TMPRSS7: variants seen among roughly 807,000 people sequenced by gnomAD.
The protein encoded by TMPRSS7 is transmembrane serine protease 7.
A neutral mutation model predicts 95.6 loss-of-function variants in TMPRSS7; 81 were observed. The ratio of observed to expected loss-of-function variants is 0.85; its 90% CI spans 0.71 to 1.02. The LOEUF (loss-of-function observed/expected upper bound fraction) is 1.02, where lower values mean the gene tolerates loss of function less well. TMPRSS7 is among the 50% of genes least tolerant of loss of function. The pLI is 0.00. For missense variants in TMPRSS7, 945 were observed against 955.2 expected, an observed-to-expected ratio of 0.99 and a Z score of 0.14; for synonymous variants, 364 against 337.8, an observed-to-expected ratio of 1.08 and a Z score of -0.85.
At position 112,061,924 on chromosome 3, in the gene TMPRSS7, G is replaced by A. The variant is rs780678214; in HGVS notation, c.1447+1G>A. 6.7e-5 allele frequency: 108 copies of A among 1,605,040 alleles called. 1 individual carries two copies. Among genetic ancestry groups the A allele is most frequent in the South Asian group, 4.7e-4 (42 of 89,174 alleles). Reference sequence around the variant, plus strand: ...TATGGCAGTTACAACATCAGTCAACGTAAGCCTAGGATCACCTCCTTAGGA... The same window carrying A: ...TATGGCAGTTACAACATCAGTCAACATAAGCCTAGGATCACCTCCTTAGGA... On this transcript the variant is annotated splice_donor_variant, in intron 11 of 17. Transcript: ENST00000452346. LOFTEE classifies it high-confidence loss of function.
intron 10 of TMPRSS7, among the ~76,000 whole-genome samples, chr3:112,060,440 A>C (rs1402680767): frequency 6.6e-6 from 1 of 152,224 alleles, no homozygotes; most frequent in Admixed American, 6.5e-5. Context: ...CGATCATAGA[A>C]GATGACCACA....
At chr3:112,061,846 A>G (rs200937737) in exon 11 of TMPRSS7, 193 of 1,613,050 alleles carry the variant, frequency 1.2e-4, no homozygotes, top group Non-Finnish European at 1.5e-4. Context: ...CCTCTGGTTC[A>G]CATTCAGCTC....
intron 12 of TMPRSS7, 131 bp downstream of exon 12, chr3:112,063,763 C>A: frequency 1.4e-6 from 1 of 739,170 alleles, no homozygotes; most frequent in Non-Finnish European, 2.3e-6. Context: ...CCCCAAAACC[C>A]AGTGACTTAA....
At chr3:112,035,840 CTA>C (rs1220848361) in intron 1 of TMPRSS7, among the ~76,000 whole-genome samples, 2 of 152,332 alleles carry the variant, frequency 1.3e-5, no homozygotes, top group East Asian at 3.9e-4. Context: ...GCACATAACA[CTA>C]TGCACATCAA....
intron 13 of TMPRSS7, among the ~76,000 whole-genome samples, chr3:112,066,850 C>G (rs989969068): frequency 5.3e-5 from 8 of 151,714 alleles, no homozygotes; most frequent in African/African-American, 1.9e-4. Context: ...AATTATTATA[C>G]TTTAATTCTA....
chr3:112,049,037 G>C (rs1236797596), intron 7 of TMPRSS7, among the ~76,000 whole-genome samples: 1 of 152,110 alleles, frequency 6.6e-6, no homozygotes, highest in Admixed American at 6.5e-5. Flanking sequence ...GGAAAAGCCC[G>C]GTCACTCTAC....
At chr3:112,080,551 C>CACTACTACTACTACTACCACA (rs2073766007) in intron 17 of TMPRSS7, among the ~76,000 whole-genome samples, 7 of 115,104 alleles carry the variant, frequency 6.1e-5, no homozygotes, top group African/African-American at 2.0e-4. Context: ...CTACTACCAC[C>CACTACTACTACTACTACCACA]ACTACTACTA....
chr3:112,063,507 AT>A lies in TMPRSS7; in HGVS notation c.1448-12del. The A allele has an allele frequency of 6.2e-7, 1 of 1,600,402 alleles. No individual in the cohort carries two copies. The highest frequency in any genetic ancestry group is 8.5e-7 in the Non-Finnish European group (1 of 1,169,888). ...TCTATCCAAGATTTTCTATTTTTTG[AT>A]TTTTTGTTGCCCATAGCCTGCCCTG... On this transcript the variant is annotated splice_polypyrimidine_tract_variant and intron_variant, in intron 11 of 17. Coordinates refer to ENST00000452346, the Ensembl canonical transcript of TMPRSS7.
intron 1 of TMPRSS7, among the ~76,000 whole-genome samples, chr3:112,037,833 A>G (rs1003405900): frequency 2.0e-5 from 3 of 152,228 alleles, no homozygotes; most frequent in Non-Finnish European, 4.4e-5. Flanking sequence ...TTCCCCCAAT[A>G]GAAACCATTT....
chr3:112,081,103 T>C, exon 18 of TMPRSS7: 4 of 1,582,942 alleles, frequency 2.5e-6, no homozygotes, highest in Non-Finnish European at 3.4e-6. Flanking sequence ...GTTGTATTTT[T>C]ACTGTGATTT....
chr3:112,058,393 A>G (rs909028133), intron 10 of TMPRSS7, among the ~76,000 whole-genome samples: 3 of 152,230 alleles, frequency 2.0e-5, no homozygotes, highest in African/African-American at 7.2e-5. Context: ...ATCGTTTAGT[A>G]GCTACATTAA....
intron 14 of TMPRSS7, among the ~76,000 whole-genome samples, chr3:112,075,107 G>A (rs943306335): frequency 6.6e-6 from 1 of 152,162 alleles, no homozygotes; most frequent in Admixed American, 6.5e-5. Flanking sequence ...CATCTGCGTT[G>A]TGGTATAGAG....
intron 9 of TMPRSS7, 60 bp from the exon 10 acceptor site, chr3:112,056,965 A>G: frequency 2.5e-6 from 3 of 1,213,594 alleles, no homozygotes; most frequent in Non-Finnish European, 3.6e-6. Flanking sequence ...AGCCAAGGGA[A>G]TAAGTAAATA....
chr3:112,075,385 T>G lies in TMPRSS7; in HGVS notation c.1848T>G (p.Gly616=). The G allele has an allele frequency of 1.3e-6, 2 of 1,524,946 alleles. 1 individual carries two copies. Among genetic ancestry groups the G allele is most frequent in the South Asian group, 2.5e-5 (2 of 78,554 alleles). The allele number at this position is 1,524,946 out of a possible 1,614,324, so 94.5% of individuals were successfully genotyped here. The change falls in exon 15 of 18, where the codon GGT becomes GGG. Residue 616 remains glycine (G), a synonymous_variant. Coordinates refer to ENST00000452346, the Ensembl canonical transcript of TMPRSS7. Reference sequence around the variant, plus strand: ...GAGGCACAGACACCCTGGAGGGGGGTTGGCCGTGGCAGGTCAGCCTCCACT... The same window carrying G: ...GAGGCACAGACACCCTGGAGGGGGGGTGGCCGTGGCAGGTCAGCCTCCACT...
chr3:112,078,691 A>G, intron 16 of TMPRSS7, 51 bp from the exon 17 acceptor site: 1 of 1,609,476 alleles, frequency 6.2e-7, no homozygotes, highest in Non-Finnish European at 8.5e-7. Flanking sequence ...AGTCCTGAAT[A>G]CATGCGGCCA....
chr3:112,070,311 T>A (rs2073627558), intron 13 of TMPRSS7, among the ~76,000 whole-genome samples: 1 of 152,222 alleles, frequency 6.6e-6, no homozygotes, highest in Non-Finnish European at 1.5e-5. Context: ...TTCTGTTGAT[T>A]TGGGGTAGAG....
rs111677685 is a variant in TMPRSS7 at position 112,076,347 on chromosome 3, C to G, written c.1956-529C>G. 3.1e-3 allele frequency among the ~76,000 whole-genome samples: 476 copies of G among 152,256 alleles called. 2 individuals are homozygous for G. The highest frequency in any genetic ancestry group is 5.2e-3 in the Non-Finnish European group (352 of 68,008). On this transcript the variant is annotated intron_variant, in intron 15 of 17. Coordinates refer to ENST00000452346, the Ensembl canonical transcript of TMPRSS7. ...CTGATGGGAATGGCAGTTGGTGACC[C>G]TATGAATGGGCATTGTTGAGCAGTA... is the stretch of plus-strand genomic sequence containing the variant.
In TMPRSS7 at chr3:112,075,384, GT is replaced by G; in HGVS notation, c.1849del (p.Trp617GlyfsTer61). On this transcript the variant is annotated frameshift_variant, in exon 15 of 18. Coordinates refer to ENST00000452346, the Ensembl canonical transcript of TMPRSS7. LOFTEE classifies it high-confidence loss of function. ...GGAGGCACAGACACCCTGGAGGGGG[GT>G]TGGCCGTGGCAGGTCAGCCTCCACT... is the stretch of plus-strand genomic sequence containing the variant. 6.6e-7 allele frequency: 1 copy of G among 1,524,920 alleles called. No homozygotes were observed. The highest frequency in any genetic ancestry group is 8.8e-7 in the Non-Finnish European group (1 of 1,133,326). The allele number at this position is 1,524,920 out of a possible 1,614,324, so 94.5% of individuals were successfully genotyped here.
chr3:112,049,654 A>G (rs548982471), intron 7 of TMPRSS7, among the ~76,000 whole-genome samples, 190 bp from the exon 8 acceptor site: 1 of 152,300 alleles, frequency 6.6e-6, no homozygotes, highest in South Asian at 2.1e-4. Flanking sequence ...ACAAAAATGT[A>G]TCTACCTTTT....
Sources: gnomAD v4.1 joint callset for allele counts (sites outside exome capture counted in the v4.1 genomes callset) on GRCh38, gnomAD v4.1.1 for gene constraint, MANE v1.5 for transcripts, NCBI Gene and HGNC (gene_info 2026-07-23, HGNC 2026-07-21) for gene names.